The following ACCSL variants were observed in gnomAD, a reference collection of about 807,000 sequenced individuals.
ACCSL encodes probable inactive 1-aminocyclopropane-1-carboxylate synthase-like protein 2.
A neutral mutation model predicts 61.7 loss-of-function variants in ACCSL; 55 were observed. That is an observed-to-expected ratio of 0.89 (90% CI 0.72 to 1.12). The LOEUF (loss-of-function observed/expected upper bound fraction) is 1.12, where lower values mean the gene tolerates loss of function less well. Among genes scored for constraint, ACCSL ranks in the 50% most tolerant of loss-of-function variants. The probability of loss-of-function intolerance (pLI) is 0.00; values close to 1 mark genes in which losing one functional copy is unlikely to be tolerated. For missense variants in ACCSL, 632 were observed against 698.0 expected (o/e 0.91, Z 1.07); for synonymous variants, 258 against 264.3 (o/e 0.98, Z 0.23).
At chr11:43,960,029 G>A in the ACCSL span, among the ~76,000 whole-genome samples, 1 of 152,138 alleles carries the variant, frequency 6.6e-6, no homozygotes, top group East Asian at 1.9e-4. Flanking sequence ...GACCAGCTGG[G>A]TGGTTTTTAG....
chr11:44,055,910 T>G (rs1442247113), intron 9 of ACCSL, 130 bp from the exon 10 acceptor site: 1 of 1,040,130 alleles, frequency 9.6e-7, no homozygotes, highest in African/African-American at 1.6e-5. Context: ...GGACAACTGT[T>G]TCTTGAGCTT....
the ACCSL span, among the ~76,000 whole-genome samples, chr11:44,006,597 C>T: frequency 1.3e-5 from 2 of 148,198 alleles, no homozygotes; most frequent in African/African-American, 5.0e-5. Context: ...CCTCCATCTC[C>T]TGGGTTCAAA....
chr11:44,052,834 G>A, intron 6 of ACCSL, 75 bp downstream of exon 6: 2 of 1,511,206 alleles, frequency 1.3e-6, no homozygotes, highest in Non-Finnish European at 1.8e-6. Flanking sequence ...AGGGGTAGAG[G>A]GGCTTGCTTT....
chr11:44,044,986 G>C (rs1292260424), upstream of ACCSL, among the ~76,000 whole-genome samples: 1 of 152,168 alleles, frequency 6.6e-6, no homozygotes, highest in African/African-American at 2.4e-5. Flanking sequence ...TATACCCCCG[G>C]TACCAGACAA....
At chr11:44,055,395 A>C in intron 9 of ACCSL, 104 bp downstream of exon 9, 1 of 772,100 alleles carries the variant, frequency 1.3e-6, no homozygotes, top group South Asian at 1.9e-5. Context: ...GCACATAGCC[A>C]GTTAACTGCC....
chr11:44,051,355 G>C lies in ACCSL; in HGVS notation c.656G>C (p.Arg219Pro). ...GQPFLREEVA[R>P]FLTYYCRAPT... Reference sequence around the variant, plus strand: ...TACAGCCTGCGGGAAGAAGTGGCCCGGTTCCTGACCTACTACTGCAGGGCA... The same window carrying C: ...TACAGCCTGCGGGAAGAAGTGGCCCCGTTCCTGACCTACTACTGCAGGGCA... Residue 219 changes from arginine to proline, a missense_variant, in exon 4 of 14, where the codon CGG (arginine) becomes CCG (proline). Arg to Pro is a moderately radical substitution (Grantham distance 103). Coordinates refer to ENST00000378832, the MANE Select transcript of ACCSL (RefSeq NM_001031854.2). 1 of 1,614,160 alleles carries C rather than the reference G, an allele frequency of 6.2e-7. No homozygotes were observed. The highest frequency in any genetic ancestry group is 8.5e-7 in the Non-Finnish European group (1 of 1,180,034).
the ACCSL span, chr11:43,942,542 C>A: frequency 7.7e-6 from 2 of 260,516 alleles, no homozygotes; most frequent in Admixed American, 5.7e-5. Flanking sequence ...GGGCGCGGGG[C>A]GCGCACGCTT....
chr11:43,965,479 C>T, the ACCSL span, among the ~76,000 whole-genome samples: 2 of 152,150 alleles, frequency 1.3e-5, no homozygotes, highest in African/African-American at 4.8e-5. Context: ...AACTATATCC[C>T]ATATTCATGG....
At chr11:44,051,300 C>A (rs115037013) in intron 3 of ACCSL, 35 bp from the exon 4 acceptor site, 22 of 1,612,148 alleles carry the variant, frequency 1.4e-5, no homozygotes, top group Non-Finnish European at 1.9e-5. Context: ...GAAAGGGGCC[C>A]GGAAGCCACA....
chr11:44,036,436 T>C, the ACCSL span, among the ~76,000 whole-genome samples: 2 of 152,182 alleles, frequency 1.3e-5, no homozygotes, highest in East Asian at 1.9e-4. Context: ...ACGTTCCTCA[T>C]TGAATTGTTG....
chr11:44,038,288 G>A, the ACCSL span, among the ~76,000 whole-genome samples: 2 of 152,154 alleles, frequency 1.3e-5, no homozygotes, highest in Non-Finnish European at 2.9e-5. Context: ...GGACAGAGTA[G>A]CCCAGACGCT....
At chr11:43,959,595 G>A in the ACCSL span, among the ~76,000 whole-genome samples, 1 of 152,192 alleles carries the variant, frequency 6.6e-6, no homozygotes, top group South Asian at 2.1e-4. Flanking sequence ...GGCTGGGACT[G>A]GGCGGTGGCA....
the ACCSL span, among the ~76,000 whole-genome samples, chr11:44,026,830 A>G: frequency 3.3e-5 from 5 of 152,104 alleles, no homozygotes; most frequent in African/African-American, 1.2e-4. Context: ...CCTGGGTTCA[A>G]GCCATTCTCC....
the ACCSL span, among the ~76,000 whole-genome samples, chr11:43,984,300 A>T: frequency 6.6e-6 from 1 of 152,148 alleles, no homozygotes; most frequent in South Asian, 2.1e-4. Context: ...TAAGAAAAAA[A>T]AATGCTTTGT....
At chr11:44,012,196 T>C in the ACCSL span, among the ~76,000 whole-genome samples, 4 of 152,162 alleles carry the variant, frequency 2.6e-5, no homozygotes, top group Non-Finnish European at 5.9e-5. Context: ...TATGCCCACT[T>C]TGTGCTCAGT....
the ACCSL span, among the ~76,000 whole-genome samples, chr11:44,040,868 G>A: frequency 2.0e-5 from 3 of 152,140 alleles, no homozygotes; most frequent in Admixed American, 6.5e-5. Flanking sequence ...CCAGGGAGAG[G>A]CCTTAAGGAG....
At chr11:43,989,901 C>G in the ACCSL span, among the ~76,000 whole-genome samples, 1 of 152,276 alleles carries the variant, frequency 6.6e-6, no homozygotes, top group Non-Finnish European at 1.5e-5. Flanking sequence ...CTGGCGGCCC[C>G]GCCAAGAGGT....
chr11:43,992,469 A>G, the ACCSL span, among the ~76,000 whole-genome samples: 2 of 152,188 alleles, frequency 1.3e-5, no homozygotes, highest in Non-Finnish European at 2.9e-5. Context: ...CGCTTCCAGT[A>G]CATACCTTCC....
chr11:43,962,124 T>C, the ACCSL span, among the ~76,000 whole-genome samples: 5 of 152,196 alleles, frequency 3.3e-5, no homozygotes, highest in African/African-American at 9.6e-5. Context: ...CTCTCTGTCA[T>C]TCTCTGAGTC....
Sources: allele counts gnomAD v4.1 joint callset (sites outside exome capture counted in the v4.1 genomes callset), GRCh38; gene constraint gnomAD v4.1.1; transcripts MANE v1.5; gene names NCBI Gene and HGNC (gene_info 2026-07-23, HGNC 2026-07-21).